Variants in DNAH3 observed in about 807,000 individuals in gnomAD.
DNAH3 encodes dynein axonemal heavy chain 3.
A neutral mutation model predicts 432.5 loss-of-function variants in DNAH3; 332 were observed. That is an observed-to-expected ratio of 0.77 (90% CI 0.70 to 0.84). DNAH3 has a LOEUF of 0.84. DNAH3 is among the 40% of genes least tolerant of loss of function. DNAH3 has a pLI of 0.00. For synonymous variants in DNAH3, 1,956 were observed against 1,900.2 expected (o/e 1.03, Z -0.76); for missense variants, 4,861 against 5,114.0 (o/e 0.95, Z 1.51).
intron 52 of DNAH3, 136 bp downstream of exon 52, chr16:20,969,656 G>C (rs1259804189): frequency 1.0e-6 from 1 of 996,044 alleles, no homozygotes; most frequent in African/African-American, 1.6e-5. Context: ...CACACAGCCT[G>C]GTTCCTTTCT....
rs1046656339 is a variant in DNAH3, at chr16:20,952,145, T to C, written c.11188+288A>G. On this transcript the variant is annotated intron_variant, in intron 56 of 61. Coordinates refer to ENST00000261383, the Ensembl canonical transcript of DNAH3. ...CACCTGCCGTGGCCTTCCAAAGTGC[T>C]GAGATTACAGGCATGAGCCACTGTG... is the stretch of plus-strand genomic sequence containing the variant. Among the ~76,000 whole-genome samples, 10 of 152,320 alleles carry C rather than the reference T, an allele frequency of 6.6e-5. 1 individual carries two copies. The highest frequency in any genetic ancestry group is 3.3e-4 in the Admixed American group (5 of 15,296).
chr16:21,078,314 CT>C lies in DNAH3; in HGVS notation c.2970-2754del, dbSNP rs2091051772. The stretch of plus-strand genomic sequence containing the variant: ...AAAAAAAGAGTAACAACTAATAGAA[CT>C]GTTCATATGTGTTCAATCAAATAGG... On this transcript the variant is annotated intron_variant, in intron 20 of 61. Coordinates refer to ENST00000261383, the Ensembl canonical transcript of DNAH3. Among the ~76,000 whole-genome samples the C allele has an allele frequency of 4.9e-5, 7 of 143,252 alleles. No homozygotes were observed. In the Admixed American group the frequency reaches 4.9e-4, roughly 10 times the overall value. The allele number at this position is 143,252 out of a possible 152,430, so 94.0% of individuals were successfully genotyped here. A position where few individuals can be genotyped will look rare whatever the true frequency, so the allele number is the denominator to read the frequency against.
intron 51 of DNAH3, among the ~76,000 whole-genome samples, chr16:20,973,979 G>T (rs796931902): frequency 2.0e-5 from 3 of 152,134 alleles, no homozygotes. Flanking sequence ...TACAGGGAAT[G>T]AAGGAAAAGT....
intron 26 of DNAH3, among the ~76,000 whole-genome samples, chr16:21,059,611 CGA>C (rs2090272141): frequency 6.6e-6 from 1 of 151,934 alleles, no homozygotes; most frequent in Admixed American, 6.6e-5. Context: ...CACATCTCTA[CGA>C]AAAATACAAA....
intron 41 of DNAH3, among the ~76,000 whole-genome samples, chr16:21,009,543 T>A (rs1300708345): frequency 1.3e-5 from 2 of 152,210 alleles, no homozygotes; most frequent in East Asian, 3.8e-4. Flanking sequence ...GATGTTGAGC[T>A]AGAGCTAATT....
At chr16:21,054,076 T>C in intron 28 of DNAH3, among the ~76,000 whole-genome samples, 1 of 152,112 alleles carries the variant, frequency 6.6e-6, no homozygotes, top group East Asian at 1.9e-4. Context: ...TGTATGTCAA[T>C]CACTTAGCAC....
At chr16:20,963,774 C>T in exon 53 of DNAH3, 1 of 1,614,008 alleles carries the variant, frequency 6.2e-7, no homozygotes, top group Non-Finnish European at 8.5e-7. Flanking sequence ...AGAAGAGTAG[C>T]TTGTCCTTCT....
chr16:21,004,168 A>C (rs1274321784), intron 41 of DNAH3, among the ~76,000 whole-genome samples: 1 of 152,162 alleles, frequency 6.6e-6, no homozygotes, highest in African/African-American at 2.4e-5. Context: ...TAAGTCATTT[A>C]ATGTTATTTT....
intron 53 of DNAH3, among the ~76,000 whole-genome samples, 185 bp from the exon 54 acceptor site, chr16:20,959,589 G>A (rs1045974383): frequency 6.7e-6 from 1 of 149,298 alleles, no homozygotes; most frequent in Non-Finnish European, 1.5e-5. Flanking sequence ...GGGCAACACA[G>A]TGAGACCTTG....
chr16:21,051,211 G>T (rs544342533), intron 29 of DNAH3, among the ~76,000 whole-genome samples: 2 of 152,148 alleles, frequency 1.3e-5, no homozygotes, highest in African/African-American at 4.8e-5. Context: ...ACAAAATCCC[G>T]ATCTCAAAGG....
chr16:20,970,863 C>CTTT lies in DNAH3; in HGVS notation c.8260-876_8260-874dup, dbSNP rs869203073. On this transcript the variant is annotated intron_variant, in intron 51 of 61. Coordinates refer to ENST00000261383, the Ensembl canonical transcript of DNAH3. ...ATGGATTTCTTTTCTTTTCTCTATT[C>CTTT]TTTTTTTTTTTTTTTTTTTGAGACA... Among the ~76,000 whole-genome samples the CTTT allele has an allele frequency of 3.9e-3, 482 of 124,036 alleles. 10 individuals carry two copies. The highest frequency in any genetic ancestry group is 0.033 in the South Asian group (124 of 3,784). 81.4% of individuals were successfully genotyped at this position (124,036 alleles called of 152,430 possible).
In DNAH3 at chr16:21,000,521, G is replaced by A; in HGVS notation, c.6127-3C>T. On this transcript the variant is annotated splice_region_variant and splice_polypyrimidine_tract_variant and intron_variant, in intron 42 of 61. Transcript: ENST00000261383. ...GTGGGGATGATGAGTTCTGAGACCTGTACCACACAGACATGGGAGAGTCTC... is the reference window on the plus strand; with the variant it reads ...GTGGGGATGATGAGTTCTGAGACCTATACCACACAGACATGGGAGAGTCTC... The A allele has an allele frequency of 6.3e-7, 1 of 1,591,326 alleles. No individual in the cohort carries two copies. The highest frequency in any genetic ancestry group is 1.7e-4 in the Middle Eastern group (1 of 5,962).
At chr16:21,127,550 G>A in intron 8 of DNAH3, 137 bp downstream of exon 9, 1 of 1,052,980 alleles carries the variant, frequency 9.5e-7, no homozygotes, top group Non-Finnish European at 1.4e-6. Flanking sequence ...GACAGAAAGA[G>A]ACTCTGTCTC....
chr16:20,991,492 G>A (rs2086556348), intron 44 of DNAH3, among the ~76,000 whole-genome samples: 1 of 152,134 alleles, frequency 6.6e-6, no homozygotes, highest in Non-Finnish European at 1.5e-5. Context: ...TCAAACTCCT[G>A]ACCTCAGGTG....
At chr16:21,075,312 A>G (rs1224859962) in intron 21 of DNAH3, 135 bp downstream of exon 21, 5 of 680,708 alleles carry the variant, frequency 7.3e-6, no homozygotes, top group Non-Finnish European at 1.3e-5. Flanking sequence ...AAAGGCAGAC[A>G]GTAGGAAACA....
At chr16:21,055,096 G>GAA (rs746162525) in intron 27 of DNAH3, among the ~76,000 whole-genome samples, 28 of 134,950 alleles carry the variant, frequency 2.1e-4, no homozygotes, top group African/African-American at 5.7e-4. Context: ...TCCTGGACCA[G>GAA]AAAAAAAAAA....
chr16:20,979,066 ACT>A (rs760074808), intron 50 of DNAH3, among the ~76,000 whole-genome samples: 61 of 152,176 alleles, frequency 4.0e-4, no homozygotes, highest in Admixed American at 7.9e-4. Context: ...AAAAAAAAGT[ACT>A]CAAGATAAAT....
chr16:20,933,457 G>T lies in DNAH3; in HGVS notation c.12048C>A (p.Tyr4016Ter). Reference sequence around the variant, plus strand: ...CACCTTCTAAGAAGAGCCCTTTGATGTAGGCCCCATCTTCGGGGTTATTCT... The same window carrying T: ...CACCTTCTAAGAAGAGCCCTTTGATTTAGGCCCCATCTTCGGGGTTATTCT... The change falls in exon 62 of 62, where the codon TAC (tyrosine) becomes TAA (stop). Residue 4016 changes from tyrosine (Y) to a stop codon, truncating the protein, a stop_gained. Transcript: ENST00000261383. LOFTEE classifies it high-confidence loss of function. 3 of 1,613,062 alleles carry T rather than the reference G, an allele frequency of 1.9e-6. No homozygotes were observed.
chr16:21,088,262 G>A (rs1291867154), intron 18 of DNAH3, among the ~76,000 whole-genome samples: 1 of 152,158 alleles, frequency 6.6e-6, no homozygotes, highest in Non-Finnish European at 1.5e-5. Context: ...AGAATAGAAA[G>A]GCACCTACGC....
Sources: allele counts gnomAD v4.1 joint callset (sites outside exome capture counted in the v4.1 genomes callset), GRCh38; gene constraint gnomAD v4.1.1; transcripts MANE v1.5; gene names NCBI Gene and HGNC (gene_info 2026-07-23, HGNC 2026-07-21).